TMEM184A: variants seen among roughly 807,000 people sequenced by gnomAD.
TMEM184A encodes sexually dimorphic, expressed in male gonads 1.
Under a neutral mutation model 39.5 loss-of-function variants are expected in TMEM184A, and 40 were observed. The ratio of observed to expected loss-of-function variants is 1.01; its 90% confidence interval spans 0.79 to 1.32. The LOEUF (loss-of-function observed/expected upper bound fraction) is 1.32. TMEM184A is among the 40% of genes most tolerant of loss of function. The pLI, the probability that TMEM184A is intolerant of heterozygous loss-of-function variation, is 0.00. For synonymous variants in TMEM184A, 280 were observed against 252.3 expected, an observed-to-expected ratio of 1.11 and a Z score of -1.04; for missense variants, 603 against 568.8, an observed-to-expected ratio of 1.06 and a Z score of -0.61.
Position 1,547,031 on chromosome 7 carries a change from TG to T in TMEM184A, c.1162del (p.His388ThrfsTer20). ...GCTCCCGCCGGAGCCGCCGCTGGGG[TG>T]GGTGCCGGGCCTGGGCGCCTCGTGC... is the stretch of plus-strand genomic sequence containing the variant. ...ATHEAPRPGT[H>X]PSGGSGGSRK... On this transcript the variant is annotated frameshift_variant, in exon 9 of 9. Transcript: ENST00000297477. LOFTEE classifies it low-confidence loss of function (END_TRUNC). The T allele has an allele frequency of 7.2e-7, 1 of 1,397,782 alleles. No homozygotes were observed. 86.6% of individuals were successfully genotyped at this position (1,397,782 alleles called of 1,614,324 possible).
At chr7:1,548,402 T>G (rs1369509705) in intron 7 of TMEM184A, 117 bp downstream of exon 7, 1 of 1,239,768 alleles carries the variant, frequency 8.1e-7, no homozygotes, top group Non-Finnish European at 1.1e-6. Flanking sequence ...TGACCTGTGC[T>G]GCAGCTGGAG....
intron 8 of TMEM184A, 133 bp downstream of exon 8, chr7:1,547,609 G>T: frequency 1.1e-6 from 1 of 946,708 alleles, no homozygotes. Flanking sequence ...CCTGTCCGGA[G>T]CCGGATGCCC....
chr7:1,554,667 C>T (rs755228319), intron 2 of TMEM184A, among the ~76,000 whole-genome samples: 1 of 152,248 alleles, frequency 6.6e-6, no homozygotes, highest in Non-Finnish European at 1.5e-5. Context: ...CTTGCCACAG[C>T]GCCTGGCCGC....
rs368889455 is a variant in TMEM184A at position 1,547,048 on chromosome 7, C to A, written c.1146G>T (p.Ala382=). Reference sequence around the variant, plus strand: ...CGCTGGGGTGGGTGCCGGGCCTGGGCGCCTCGTGCGTGGCCTGCTGCGTGT... The same window carrying A: ...CGCTGGGGTGGGTGCCGGGCCTGGGAGCCTCGTGCGTGGCCTGCTGCGTGT... ...QHYTQQATHE[A]PRPGTHPSGG... The change falls in exon 9 of 9, where the codon GCG becomes GCT. Residue 382 remains alanine (A), a synonymous_variant. Coordinates refer to ENST00000297477, the MANE Select transcript of TMEM184A (RefSeq NM_001097620.2). 1.4e-5 allele frequency: 23 copies of A among 1,607,638 alleles called. No homozygotes were observed. The highest frequency in any genetic ancestry group is 2.0e-5 in the Non-Finnish European group (23 of 1,179,448).
At chr7:1,548,290 T>A (rs1338199720) in intron 7 of TMEM184A, among the ~76,000 whole-genome samples, 1 of 152,154 alleles carries the variant, frequency 6.6e-6, no homozygotes, top group Non-Finnish European at 1.5e-5. Flanking sequence ...GTGTGGCCTC[T>A]GTGCGACCTC....
rs1318044393 is a variant in TMEM184A, at chr7:1,546,527, G to A, written c.*425C>T. 6.7e-5 allele frequency: 11 copies of A among 164,806 alleles called. No homozygotes were observed. Among genetic ancestry groups the A allele is most frequent in the East Asian group, 1.6e-4 (1 of 6,358 alleles). 10.2% of individuals were successfully genotyped at this position (164,806 alleles called of 1,614,324 possible). On this transcript the variant is annotated 3_prime_UTR_variant, in exon 9 of 9. Transcript: ENST00000297477. ...TCAGAGCCCGGCTGCCCAGCGCCCC[G>A]GCGCCCCTCCCTCCAGCTGCCCAGC...
chr7:1,548,526 G>C lies in TMEM184A; in HGVS notation c.807C>G (p.Phe269Leu). The C allele has an allele frequency of 6.2e-7, 1 of 1,612,626 alleles. No homozygotes were observed. Residue 269 changes from phenylalanine (F) to leucine (L), a missense_variant, in exon 7 of 9, where the codon TTC becomes TTG. Physicochemically the swap from Phe to Leu is conservative, Grantham distance 22. Coordinates refer to ENST00000297477, the MANE Select transcript of TMEM184A (RefSeq NM_001097620.2). Reference protein sequence around the residue: ...LTIKAVIFLSFWQGLLLAILE... With the variant: ...LTIKAVIFLSLWQGLLLAILE... The stretch of plus-strand genomic sequence containing the variant: ...CCCACCTGCCCCACACACCTTGCCA[G>C]AACGACAGGAAGATGACGGCTTTGA...
Position 1,550,380 on chromosome 7 carries a change from C to G in TMEM184A, c.401G>C (p.Ser134Thr). The change falls in exon 4 of 9, where the codon AGC becomes ACC. Residue 134 changes from serine (S) to threonine (T), a missense_variant. By Grantham distance (58) the Ser-to-Thr change is moderately conservative. Transcript: ENST00000297477. ...RDCYEAFVIYSFLSLCFQYLG... is the reference protein window; with the variant it reads ...RDCYEAFVIYTFLSLCFQYLG... ...GTACTGGAAACACAGGCTCAGGAAG[C>G]TGTAAATGACAAAGGCTGCAGGGAG... The G allele has an allele frequency of 6.2e-7, 1 of 1,612,394 alleles. No individual in the cohort carries two copies. The highest frequency in any genetic ancestry group is 8.5e-7 in the Non-Finnish European group (1 of 1,179,596).
rs762642921 is a variant in TMEM184A, at chr7:1,550,820, C to G, written c.382G>C (p.Glu128Gln). 1.9e-6 allele frequency: 3 copies of G among 1,612,806 alleles called. No homozygotes were observed. The highest frequency in any genetic ancestry group is 2.5e-6 in the Non-Finnish European group (3 of 1,179,848). ...CCTGACGCAGCCTGGCGCCCACCTT[C>G]GTAGCAGTCCCGCACAGAGTCGAAG... ...VYFDSVRDCY[E>Q]AFVIYSFLSL... The change falls in exon 3 of 9, where the codon GAA (glutamate) becomes CAA (glutamine). Residue 128 changes from glutamate (E) to glutamine (Q), a missense_variant. Coordinates refer to ENST00000297477, the MANE Select transcript of TMEM184A (RefSeq NM_001097620.2).
rs144890477 is a variant in TMEM184A at position 1,546,807 on chromosome 7, G to A, written c.*145C>T. 2.5e-3 allele frequency: 1,459 copies of A among 587,258 alleles called. 6 individuals carry two copies. In the Middle Eastern group the frequency reaches 0.026, roughly 11 times the overall value. The allele number at this position is 587,258 out of a possible 1,614,324, so 36.4% of individuals were successfully genotyped here. ...GCCCTGACCCCCTGGCTGGAGGGAG[G>A]ATGGGAAGTGGGCTCCGAGGGCCTC... On this transcript the variant is annotated 3_prime_UTR_variant, in exon 9 of 9. Transcript: ENST00000297477.
intron 2 of TMEM184A, among the ~76,000 whole-genome samples, chr7:1,554,386 C>A (rs372631433): frequency 6.6e-6 from 1 of 152,306 alleles, no homozygotes; most frequent in East Asian, 1.9e-4. Flanking sequence ...AGCAGCTCTG[C>A]CCTCAGCCCA....
chr7:1,549,300 T>C (rs1038849553), intron 6 of TMEM184A: 8 of 288,646 alleles, frequency 2.8e-5, no homozygotes, highest in Admixed American at 2.6e-4. Flanking sequence ...CTGTGTGGTG[T>C]TGGTGAGCAC....
rs369699223 is a variant in TMEM184A, at chr7:1,550,984, T to C, written c.220-2A>G. 6.3e-6 allele frequency: 10 copies of C among 1,586,700 alleles called. No individual in the cohort carries two copies. Among genetic ancestry groups the C allele is most frequent in the African/African-American group, 5.5e-5 (4 of 73,060 alleles). ...GTAGGAGCGCAGGTGCAGATAGATC[T>C]GGGCGCAGGAGGGGTCGCATGAGAG... On this transcript the variant is annotated splice_acceptor_variant, in intron 2 of 8. Transcript: ENST00000297477. LOFTEE classifies it high-confidence loss of function.
intron 3 of TMEM184A, 26 bp from the exon 4 acceptor site, chr7:1,550,421 G>A: frequency 1.3e-6 from 2 of 1,582,606 alleles, no homozygotes; most frequent in Non-Finnish European, 1.7e-6. Flanking sequence ...AGGGGGACCG[G>A]CTGTGAGCCC....
At chr7:1,547,228 G>GC (rs746108579) in intron 8 of TMEM184A, 47 bp from the exon 9 acceptor site, 13 of 1,172,990 alleles carry the variant, frequency 1.1e-5, no homozygotes, top group Non-Finnish European at 1.5e-5. Flanking sequence ...CTGCACTCCA[G>GC]CTCCCCGGAC....
At chr7:1,553,312 C>A (rs1784678013) in intron 2 of TMEM184A, among the ~76,000 whole-genome samples, 1 of 151,870 alleles carries the variant, frequency 6.6e-6, no homozygotes. Flanking sequence ...ACCACCATGC[C>A]CGGCTAATTT....
rs755208679 is a variant in TMEM184A, at chr7:1,548,605, A to G, written c.728T>C (p.Phe243Ser). ...GGGCCGCAGGAGCTCCCTGGTGGTG[A>G]AGTAGAAGAGGAACAGGGCGTAGAG... is the stretch of plus-strand genomic sequence containing the variant. ...LALYALFLFY[F>S]TTRELLRPFQ... Residue 243 changes from phenylalanine to serine, a missense_variant, in exon 7 of 9, where the codon TTC becomes TCC. Transcript: ENST00000297477. 1.9e-6 allele frequency: 3 copies of G among 1,613,856 alleles called. No individual in the cohort carries two copies. In the South Asian group the frequency reaches 3.3e-5, roughly 18 times the overall value.
chr7:1,547,942 G>A lies in TMEM184A; in HGVS notation c.815-3C>T. The A allele has an allele frequency of 6.4e-7, 1 of 1,563,900 alleles. No homozygotes were observed. The highest frequency in any genetic ancestry group is 1.4e-5 in the African/African-American group (1 of 73,612). The stretch of plus-strand genomic sequence containing the variant: ...CTCCAGGATGGCCAGCAGCAGCCCT[G>A]CGGACGCCACGGCCGCTCAGCCCCA... On this transcript the variant is annotated splice_region_variant and splice_polypyrimidine_tract_variant and intron_variant, in intron 7 of 8. Coordinates refer to ENST00000297477, the MANE Select transcript of TMEM184A (RefSeq NM_001097620.2).
rs3735657 is a variant in TMEM184A at position 1,555,660 on chromosome 7, C to T, written c.1-176G>A. 0.33 allele frequency: 216,212 copies of T among 648,192 alleles called. 37,634 individuals carry two copies. Among genetic ancestry groups the T allele is most frequent in the East Asian group, 0.54 (19,523 of 35,956 alleles). 40.2% of individuals were successfully genotyped at this position (648,192 alleles called of 1,614,324 possible). On this transcript the variant is annotated intron_variant, in intron 1 of 8. Transcript: ENST00000297477. This position sits in a 1 kb window ranked among gnomAD's most constrained non-coding sequence, Gnocchi z 5.2. Reference sequence around the variant, plus strand: ...GCCAGGCCCGGCTCCCTCCCTGCTCCGAGCTCAGCCATCGAAGCTCACCCA... The same window carrying T: ...GCCAGGCCCGGCTCCCTCCCTGCTCTGAGCTCAGCCATCGAAGCTCACCCA...
Sources: allele counts gnomAD v4.1 joint callset (sites outside exome capture counted in the v4.1 genomes callset), GRCh38; gene constraint gnomAD v4.1.1; non-coding constraint Gnocchi (gnomAD v3.1); transcripts MANE v1.5; gene names NCBI Gene and HGNC (gene_info 2026-07-23, HGNC 2026-07-21).